Variants in PTPRG observed in about 807,000 individuals in gnomAD.
The protein encoded by PTPRG is protein tyrosine phosphatase receptor type G, also known as receptor-type tyrosine-protein phosphatase gamma.
In PTPRG, 102 loss-of-function variants were observed where a neutral mutation model predicts 165.3. The ratio of observed to expected loss-of-function variants is 0.62; its 90% confidence interval spans 0.53 to 0.73. The LOEUF (loss-of-function observed/expected upper bound fraction) is 0.73, where lower values mean the gene tolerates loss of function less well. PTPRG is among the 30% of genes least tolerant of loss of function. The pLI is 0.00. For synonymous variants in PTPRG, 675 were observed against 669.5 expected (o/e 1.01, Z -0.13); for missense variants, 1,866 against 1,861.4 (o/e 1.00, Z -0.05).
chr3:61,843,529 A>G (rs1309218916), intron 2 of PTPRG, among the ~76,000 whole-genome samples: 3 of 152,200 alleles, frequency 2.0e-5, no homozygotes, highest in Admixed American at 2.0e-4. Flanking sequence ...GTTTTGGTGA[A>G]GAAGAAGTTA....
Position 62,273,067 on chromosome 3 carries a change from C to T in PTPRG, c.3304C>T (p.Leu1102Phe), listed in dbSNP as rs774193514. ...LKHIRTQRNY[L>F]VQTEEQYIFI... ...GCATATCAGGACACAGCGTAACTAC[C>T]TCGTCCAGACTGAGGTAAGGAGTAG... is the stretch of plus-strand genomic sequence containing the variant. Residue 1102 changes from leucine to phenylalanine, a missense_variant, in exon 22 of 30, where the codon CTC (leucine) becomes TTC (phenylalanine). This residue lies in a region of PTPRG where 1,452 missense variants were observed against 1,463.0 expected (regional missense o/e 0.99). Transcript: ENST00000474889. The surrounding 1 kb of genome is among the most constrained non-coding windows in gnomAD (Gnocchi z 4.1). 1.1e-5 allele frequency: 18 copies of T among 1,611,558 alleles called. No individual in the cohort carries two copies. The highest frequency in any genetic ancestry group is 2.2e-5 in the East Asian group (1 of 44,826).
intron 2 of PTPRG, among the ~76,000 whole-genome samples, chr3:61,803,601 A>AT (rs895135527): frequency 6.8e-6 from 1 of 146,122 alleles, no homozygotes; most frequent in African/African-American, 2.8e-5. Context: ...TTGATGAGTT[A>AT]TTTTTTCCCC....
At chr3:62,055,602 C>T (rs1330460919) in intron 4 of PTPRG, among the ~76,000 whole-genome samples, 1 of 152,146 alleles carries the variant, frequency 6.6e-6, no homozygotes, top group East Asian at 1.9e-4. Flanking sequence ...TATTTGTTGT[C>T]TTACAGTTCT....
At chr3:61,610,016 T>A (rs187554929) in intron 1 of PTPRG, among the ~76,000 whole-genome samples, 1 of 148,648 alleles carries the variant, frequency 6.7e-6, no homozygotes, top group African/African-American at 2.5e-5. Flanking sequence ...AAAATGTTTT[T>A]ATTTGTATCT....
intron 6 of PTPRG, among the ~76,000 whole-genome samples, chr3:62,135,417 C>T (rs539069589): frequency 6.6e-6 from 1 of 152,144 alleles, no homozygotes; most frequent in South Asian, 2.1e-4. Context: ...GGCTTGGGAA[C>T]AATGACAGAG....
intron 1 of PTPRG, among the ~76,000 whole-genome samples, chr3:61,665,983 T>C (rs1160365235): frequency 2.4e-4 from 2 of 8,498 alleles, no homozygotes; most frequent in African/African-American, 3.9e-4. Context: ...GCCTTTTTAC[T>C]TTTTTTTTTT....
intron 1 of PTPRG, among the ~76,000 whole-genome samples, chr3:61,673,115 C>T (rs1415828117): frequency 2.0e-5 from 3 of 152,034 alleles, no homozygotes; most frequent in Admixed American, 6.6e-5. Flanking sequence ...AAGTGGCGAT[C>T]GTGGCACCTG....
chr3:61,971,875 CAAA>C (rs1270911490), intron 2 of PTPRG, among the ~76,000 whole-genome samples: 1 of 152,016 alleles, frequency 6.6e-6, no homozygotes, highest in African/African-American at 2.4e-5. Context: ...GAAGAAAAAA[CAAA>C]AAAGAATAAA....
intron 2 of PTPRG, among the ~76,000 whole-genome samples, chr3:61,878,905 T>C (rs1013404396): frequency 3.9e-5 from 6 of 152,232 alleles, no homozygotes; most frequent in Admixed American, 1.3e-4. Flanking sequence ...TCAACTGACA[T>C]GGTTTTACTA....
chr3:61,741,751 G>C (rs991936313), intron 1 of PTPRG, among the ~76,000 whole-genome samples: 1 of 152,082 alleles, frequency 6.6e-6, no homozygotes, highest in African/African-American at 2.4e-5. Flanking sequence ...CAGTGTTGTG[G>C]ATGAATGCCG....
intron 6 of PTPRG, among the ~76,000 whole-genome samples, chr3:62,142,712 G>A (rs955724400): frequency 8.5e-5 from 13 of 152,070 alleles, no homozygotes; most frequent in Admixed American, 2.0e-4. Flanking sequence ...TGCCTGCCTT[G>A]GAATTGTATC....
At chr3:61,695,401 G>T (rs72878423) in intron 1 of PTPRG, among the ~76,000 whole-genome samples, 1 of 152,184 alleles carries the variant, frequency 6.6e-6, no homozygotes, top group Non-Finnish European at 1.5e-5. Flanking sequence ...TGTCTTAAGA[G>T]CATTGAAATG....
chr3:62,143,291 GGAA>G (rs1267831293), intron 6 of PTPRG, among the ~76,000 whole-genome samples: 3 of 152,160 alleles, frequency 2.0e-5, no homozygotes, highest in Non-Finnish European at 4.4e-5. Context: ...TGTGGACTTT[GGAA>G]GAAGAGGACA....
chr3:62,167,027 A>AT (rs892764520), intron 7 of PTPRG, among the ~76,000 whole-genome samples: 2 of 151,934 alleles, frequency 1.3e-5, no homozygotes, highest in African/African-American at 4.8e-5. Context: ...GGGCACCCTG[A>AT]TTTTTTTCCT....
intron 2 of PTPRG, among the ~76,000 whole-genome samples, chr3:61,943,075 G>T (rs1000519723): frequency 6.6e-6 from 1 of 152,202 alleles, no homozygotes; most frequent in Admixed American, 6.5e-5. Context: ...CAAGTGAATT[G>T]TGTATAAGTC....
At chr3:61,971,740 G>A (rs1262056790) in intron 2 of PTPRG, among the ~76,000 whole-genome samples, 1 of 152,178 alleles carries the variant, frequency 6.6e-6, no homozygotes, top group African/African-American at 2.4e-5. Flanking sequence ...AGTGATGGTC[G>A]TACAACTCTG....
chr3:61,902,563 G>C (rs984492228), intron 2 of PTPRG, among the ~76,000 whole-genome samples: 1 of 152,106 alleles, frequency 6.6e-6, no homozygotes, highest in African/African-American at 2.4e-5. Flanking sequence ...ATCAATAATA[G>C]TATCTGTCCT....
At chr3:61,564,593 TTGG>T (rs1333021008) in intron 1 of PTPRG, among the ~76,000 whole-genome samples, 2 of 152,070 alleles carry the variant, frequency 1.3e-5, no homozygotes, top group African/African-American at 4.8e-5. Flanking sequence ...AGAGGGCGGT[TTGG>T]TTTGGAAAAG....
At chr3:62,028,196 A>C (rs1029624050) in intron 4 of PTPRG, among the ~76,000 whole-genome samples, 4 of 152,184 alleles carry the variant, frequency 2.6e-5, no homozygotes, top group African/African-American at 9.6e-5. Flanking sequence ...ATGCCCTTTT[A>C]ATATATTTTT....
Sources: allele counts gnomAD v4.1 joint callset (sites outside exome capture counted in the v4.1 genomes callset), GRCh38; gene constraint gnomAD v4.1.1; regional missense constraint gnomAD v4.1.1; non-coding constraint Gnocchi (gnomAD v3.1); transcripts MANE v1.5; gene names NCBI Gene and HGNC (gene_info 2026-07-23, HGNC 2026-07-21).